SH3D19: variants seen among roughly 807,000 people sequenced by gnomAD.
SH3D19 encodes the protein SH3 domain containing 19.
In SH3D19, 58 loss-of-function variants were observed where a neutral mutation model predicts 112.1. The observed-to-expected ratio is 0.52, with a 90% CI of 0.42 to 0.64. The LOEUF (loss-of-function observed/expected upper bound fraction) is 0.64. Ranked by LOEUF, SH3D19 falls within the 30% of genes least tolerant of loss-of-function variation. The probability of loss-of-function intolerance (pLI) is 0.00; values close to 1 mark genes in which losing one functional copy is unlikely to be tolerated. For synonymous variants in SH3D19, 391 were observed against 448.5 expected (o/e 0.87, Z 1.62); for missense variants, 1,090 against 1,263.4 (o/e 0.86, Z 2.08).
intron 18 of SH3D19, 49 bp downstream of exon 18, chr4:151,128,121 T>A: frequency 6.7e-7 from 1 of 1,484,126 alleles, no homozygotes. Flanking sequence ...GTTTTGAAGG[T>A]TTCAGGCTCC....
rs766671172 is a variant in SH3D19 at position 151,137,896 on chromosome 4, T to A, written c.2297-34A>T. On this transcript the variant is annotated intron_variant, in intron 13 of 19. Coordinates refer to ENST00000604030, the MANE Select transcript of SH3D19 (RefSeq NM_001378122.1). ...TAAAATTATAGTTATGTATGATGAATCATCCTGGTTGCAGATTTGATAAAA... is the reference window on the plus strand; with the variant it reads ...TAAAATTATAGTTATGTATGATGAAACATCCTGGTTGCAGATTTGATAAAA... The A allele has an allele frequency of 2.6e-6, 4 of 1,552,166 alleles. No individual in the cohort carries two copies. The African/African-American group carries it at 5.6e-5, about 22-fold the overall frequency.
At position 151,237,901 on chromosome 4, in the gene SH3D19, C is replaced by T. The variant is rs187575646; in HGVS notation, c.113-11815G>A. ...ACTAATAAATAATTTCTAAACCTTC[C>T]CTTATTCAACGGTTCAGCCTATTTT... On this transcript the variant is annotated intron_variant, in intron 1 of 19. Transcript: ENST00000604030. 1.8e-3 allele frequency among the ~76,000 whole-genome samples: 268 copies of T among 152,242 alleles called. 1 individual carries two copies. The highest frequency in any genetic ancestry group is 6.1e-3 in the African/African-American group (252 of 41,536).
At chr4:151,156,636 A>C (rs571786743) in intron 9 of SH3D19, among the ~76,000 whole-genome samples, 1 of 152,324 alleles carries the variant, frequency 6.6e-6, no homozygotes, top group East Asian at 1.9e-4. Flanking sequence ...AGACGAATGA[A>C]ACTAAACCCT....
At chr4:151,309,898 G>A (rs2126364523) in intron 1 of SH3D19, among the ~76,000 whole-genome samples, 1 of 152,288 alleles carries the variant, frequency 6.6e-6, no homozygotes, top group South Asian at 2.1e-4. Flanking sequence ...GCTGAGGTGG[G>A]AGGATTTCTT....
intron 2 of SH3D19, among the ~76,000 whole-genome samples, chr4:151,196,555 T>G (rs551074414): frequency 6.6e-6 from 1 of 152,110 alleles, no homozygotes; most frequent in African/African-American, 2.4e-5. Flanking sequence ...ATCTGCTATT[T>G]ATAGTATTAG....
At chr4:151,205,879 C>T (rs1377767937) in intron 2 of SH3D19, among the ~76,000 whole-genome samples, 1 of 152,168 alleles carries the variant, frequency 6.6e-6, no homozygotes, top group Admixed American at 6.5e-5. Context: ...TCAAAGGACT[C>T]ATAGCTGGTA....
At chr4:151,135,228 C>T (rs558938925) in intron 14 of SH3D19, 96 bp from the exon 15 acceptor site, 27 of 972,706 alleles carry the variant, frequency 2.8e-5, no homozygotes, top group East Asian at 1.9e-4. Context: ...TGACTGAAAT[C>T]GATCGGTTTA....
chr4:151,314,337 C>A (rs998905344), intron 1 of SH3D19, among the ~76,000 whole-genome samples: 8 of 152,220 alleles, frequency 5.3e-5, no homozygotes, highest in Non-Finnish European at 1.2e-4. Flanking sequence ...TACCCTTCCA[C>A]TTGCCCAAGG....
chr4:151,208,883 T>C (rs1021148871), intron 2 of SH3D19, among the ~76,000 whole-genome samples: 2 of 148,620 alleles, frequency 1.3e-5, no homozygotes, highest in South Asian at 2.1e-4. Flanking sequence ...TTCACCGTGT[T>C]AGCCAGGATG....
intron 1 of SH3D19, chr4:151,282,561 AAT>A: frequency 2.4e-6 from 2 of 829,972 alleles, no homozygotes; most frequent in Non-Finnish European, 3.6e-6. Context: ...TTTTAAATAA[AAT>A]ATCTTTTTTG....
At chr4:151,270,026 T>C (rs1452181760) in intron 1 of SH3D19, among the ~76,000 whole-genome samples, 1 of 152,046 alleles carries the variant, frequency 6.6e-6, no homozygotes, top group Non-Finnish European at 1.5e-5. Flanking sequence ...GAATACTTCC[T>C]GACAGACCTG....
At chr4:151,125,945 T>G (rs1749223415) in intron 19 of SH3D19, among the ~76,000 whole-genome samples, 1 of 147,744 alleles carries the variant, frequency 6.8e-6, no homozygotes, top group Non-Finnish European at 1.5e-5. Context: ...TACAAAAAGA[T>G]GAAATAACAT....
chr4:151,188,851 G>A (rs1232288752), intron 2 of SH3D19, among the ~76,000 whole-genome samples: 1 of 152,154 alleles, frequency 6.6e-6, no homozygotes, highest in Non-Finnish European at 1.5e-5. Flanking sequence ...TGAAAATAGA[G>A]TCCATACAGA....
At chr4:151,225,819 T>C (rs1768898528) in intron 2 of SH3D19, among the ~76,000 whole-genome samples, 3 of 152,186 alleles carry the variant, frequency 2.0e-5, no homozygotes, top group African/African-American at 2.4e-5. Flanking sequence ...AAAATATATC[T>C]GTCACTGATG....
intron 1 of SH3D19, among the ~76,000 whole-genome samples, chr4:151,301,413 G>A (rs751856118): frequency 1.8e-4 from 28 of 152,160 alleles, no homozygotes; most frequent in South Asian, 2.1e-4. Context: ...TTTTAGTAGA[G>A]ACAGGATTTC....
chr4:151,175,797 GTTTCT>G lies in SH3D19; in HGVS notation c.530-128_530-124del, dbSNP rs1483860841. 7.0e-6 allele frequency: 7 copies of G among 996,032 alleles called. No homozygotes were observed. The East Asian group carries it at 2.0e-4, about 28-fold the overall frequency. The allele number at this position is 996,032 out of a possible 1,614,324, so 61.7% of individuals were successfully genotyped here. ...ATACATGGAATATCAAGAGATTTTG[GTTTCT>G]TTTAATTAGTAAAAAGTGATTCAAA... On this transcript the variant is annotated intron_variant, in intron 6 of 19. Coordinates refer to ENST00000604030, the MANE Select transcript of SH3D19 (RefSeq NM_001378122.1).
intron 1 of SH3D19, among the ~76,000 whole-genome samples, chr4:151,319,838 G>C (rs912364860): frequency 6.6e-6 from 1 of 152,136 alleles, no homozygotes; most frequent in African/African-American, 2.4e-5. Flanking sequence ...AATACAGCAA[G>C]CAGCATACAG....
intron 9 of SH3D19, among the ~76,000 whole-genome samples, chr4:151,153,357 C>T (rs1755442258): frequency 6.6e-6 from 1 of 151,972 alleles, no homozygotes; most frequent in Admixed American, 6.6e-5. Context: ...AGCGATTCTC[C>T]TGCGTCAGCC....
chr4:151,219,118 C>T (rs1767620250), intron 2 of SH3D19, among the ~76,000 whole-genome samples: 2 of 152,166 alleles, frequency 1.3e-5, no homozygotes, highest in African/African-American at 4.8e-5. Context: ...CTAGTCCCAT[C>T]TGTGTACTTC....
Sources: allele counts gnomAD v4.1 joint callset (sites outside exome capture counted in the v4.1 genomes callset), GRCh38; gene constraint gnomAD v4.1.1; transcripts MANE v1.5; gene names NCBI Gene and HGNC (gene_info 2026-07-23, HGNC 2026-07-21).